The following PLD5 variants were observed in gnomAD, a reference collection of about 807,000 sequenced individuals.
The protein encoded by PLD5 is inactive phospholipase D5.
In PLD5, 36 loss-of-function variants were observed where a neutral mutation model predicts 61.1. The observed-to-expected ratio is 0.59, with a 90% CI of 0.45 to 0.78. The LOEUF is 0.78. PLD5 is among the 30% of genes least tolerant of loss of function. The pLI is 0.00. For missense variants in PLD5, 515 were observed against 644.4 expected, an observed-to-expected ratio of 0.80 and a Z score of 2.17; for synonymous variants, 243 against 242.8, an observed-to-expected ratio of 1.00 and a Z score of -0.01.
At chr1:242,291,430 A>G (rs534979744) in intron 2 of PLD5, among the ~76,000 whole-genome samples, 11 of 152,126 alleles carry the variant, frequency 7.2e-5, no homozygotes, top group Non-Finnish European at 1.3e-4. Context: ...ACTATAGTAT[A>G]ATTGTGCACA....
chr1:242,408,315 T>C (rs536248782), intron 1 of PLD5, among the ~76,000 whole-genome samples: 5 of 150,352 alleles, frequency 3.3e-5, no homozygotes, highest in African/African-American at 1.0e-4. Flanking sequence ...TGGAGACTAG[T>C]TAGAAAAACA....
chr1:242,195,834 C>G (rs1194273683), intron 5 of PLD5, among the ~76,000 whole-genome samples: 1 of 152,118 alleles, frequency 6.6e-6, no homozygotes, highest in Admixed American at 6.5e-5. Context: ...TAAATCCTAC[C>G]CTTTGTTCAA....
At chr1:242,296,052 G>A (rs1675635549) in intron 2 of PLD5, among the ~76,000 whole-genome samples, 1 of 152,162 alleles carries the variant, frequency 6.6e-6, no homozygotes, top group Non-Finnish European at 1.5e-5. Context: ...CTTTCAATCT[G>A]TTCCCGCTTC....
chr1:242,204,236 C>A (rs1669178392), intron 5 of PLD5, among the ~76,000 whole-genome samples: 1 of 148,298 alleles, frequency 6.7e-6, no homozygotes, highest in Non-Finnish European at 1.5e-5. Context: ...GAGCGAGACT[C>A]TTGTCTCAAA....
At chr1:242,442,336 C>T (rs554013541) in intron 1 of PLD5, among the ~76,000 whole-genome samples, 2 of 152,270 alleles carry the variant, frequency 1.3e-5, no homozygotes, top group Admixed American at 1.3e-4. Context: ...TCAAATTCCG[C>T]CACTGCTAGT....
In PLD5 at chr1:242,412,332, C is replaced by T. The variant is rs536601263; in HGVS notation, c.190-64090G>A. ...AAGAAGGTGTCCATTCAGTTGGGGG[C>T]TTAGAATTTTATTTTTATTTCTCAG... On this transcript the variant is annotated intron_variant, in intron 1 of 9. Transcript: ENST00000536534. Among the ~76,000 whole-genome samples, 30 of 152,182 alleles carry T rather than the reference C, an allele frequency of 2.0e-4. No homozygotes were observed. In the South Asian group the frequency reaches 6.2e-3, roughly 32 times the overall value.
chr1:242,279,299 G>A (rs1489885329), intron 3 of PLD5, among the ~76,000 whole-genome samples: 4 of 152,208 alleles, frequency 2.6e-5, no homozygotes, highest in Non-Finnish European at 5.9e-5. Flanking sequence ...GACCGGGATG[G>A]TTTAAAACAG....
intron 2 of PLD5, among the ~76,000 whole-genome samples, chr1:242,322,266 C>CA (rs1658466207): frequency 6.6e-6 from 1 of 152,200 alleles, no homozygotes; most frequent in Admixed American, 6.5e-5. Flanking sequence ...CTTGGCTGCA[C>CA]AGTCCTCCTG....
chr1:242,413,174 C>T (rs767221721), intron 1 of PLD5, among the ~76,000 whole-genome samples: 6 of 152,188 alleles, frequency 3.9e-5, no homozygotes, highest in Non-Finnish European at 7.3e-5. Context: ...CTTTCTGGAG[C>T]TCCATGCTGA....
intron 2 of PLD5, among the ~76,000 whole-genome samples, chr1:242,329,979 T>G (rs969317815): frequency 6.6e-6 from 1 of 152,182 alleles, no homozygotes; most frequent in African/African-American, 2.4e-5. Context: ...CTCCATTCTC[T>G]TACCTAGTGG....
At chr1:242,307,450 A>G (rs766028041) in intron 2 of PLD5, among the ~76,000 whole-genome samples, 17 of 152,182 alleles carry the variant, frequency 1.1e-4, no homozygotes, top group Non-Finnish European at 1.8e-4. Flanking sequence ...ACATGATGAC[A>G]CTACCTTGGG....
chr1:242,395,702 A>T (rs1378983669), intron 1 of PLD5, among the ~76,000 whole-genome samples: 1 of 152,216 alleles, frequency 6.6e-6, no homozygotes, highest in Admixed American at 6.5e-5. Flanking sequence ...GGAACCACAG[A>T]TAAAGCAGAT....
At chr1:242,330,013 G>A (rs1659073979) in intron 2 of PLD5, among the ~76,000 whole-genome samples, 3 of 152,130 alleles carry the variant, frequency 2.0e-5, no homozygotes, top group Admixed American at 2.0e-4. Flanking sequence ...AACTGCATAA[G>A]TTGTAAGACA....
chr1:242,320,468 C>G lies in PLD5; in HGVS notation c.326+27638G>C, dbSNP rs1312926438. Among the ~76,000 whole-genome samples, 5 of 152,286 alleles carry G rather than the reference C, an allele frequency of 3.3e-5. No individual in the cohort carries two copies. In the East Asian group the frequency reaches 7.7e-4, roughly 24 times the overall value. On this transcript the variant is annotated intron_variant, in intron 2 of 9. Transcript: ENST00000536534. ...AAGGACACACTCTGCTTTCAGAGCC[C>G]TGCGGGGCTGCATCTGAAGAGTGGT...
At chr1:242,159,049 A>G (rs901804319) in intron 5 of PLD5, among the ~76,000 whole-genome samples, 10 of 152,150 alleles carry the variant, frequency 6.6e-5, no homozygotes, top group African/African-American at 2.2e-4. Context: ...TGCTAGTTTC[A>G]ATATCTGTTT....
intron 1 of PLD5, among the ~76,000 whole-genome samples, chr1:242,359,759 AATT>A (rs1660966734): frequency 2.0e-5 from 3 of 152,172 alleles, no homozygotes; most frequent in Admixed American, 6.5e-5. Context: ...TATTATTAAT[AATT>A]AAGTTAAATG....
chr1:242,195,724 G>A (rs1335776393), intron 5 of PLD5, among the ~76,000 whole-genome samples: 2 of 152,216 alleles, frequency 1.3e-5, no homozygotes, highest in African/African-American at 2.4e-5. Context: ...CCATAGGGCA[G>A]TAACAGGAAT....
At chr1:242,442,012 T>C (rs1427886866) in intron 1 of PLD5, among the ~76,000 whole-genome samples, 1 of 152,238 alleles carries the variant, frequency 6.6e-6, no homozygotes, top group Non-Finnish European at 1.5e-5. Context: ...AGCTTCTGTA[T>C]AAAGCAAAGA....
intron 5 of PLD5, chr1:242,177,897 C>T (rs544471396): frequency 3.9e-5 from 6 of 152,316 alleles, no homozygotes; most frequent in Non-Finnish European, 5.9e-5. Flanking sequence ...TGGCAGGGAC[C>T]AACACGGTGA....
Sources: gnomAD v4.1 joint callset for allele counts (sites outside exome capture counted in the v4.1 genomes callset) on GRCh38, gnomAD v4.1.1 for gene constraint, MANE v1.5 for transcripts, NCBI Gene and HGNC (gene_info 2026-07-23, HGNC 2026-07-21) for gene names.